The following RGS7 variants were observed in gnomAD, a reference collection of about 807,000 sequenced individuals.
RGS7 encodes regulator of G-protein signaling 7.
In RGS7, 27 loss-of-function variants were observed where a neutral mutation model predicts 81.1. That is an observed-to-expected ratio of 0.33 (90% CI 0.25 to 0.46). The LOEUF (loss-of-function observed/expected upper bound fraction) is 0.46, where lower values mean the gene tolerates loss of function less well. Ranked by LOEUF, RGS7 falls within the 20% of genes least tolerant of loss-of-function variation. The pLI is 1.00. For synonymous variants in RGS7, 208 were observed against 207.7 expected (o/e 1.00, Z -0.01); for missense variants, 396 against 607.4 (o/e 0.65, Z 3.66).
intron 9 of RGS7, among the ~76,000 whole-genome samples, chr1:240,827,888 A>AC (rs1693161068): frequency 1.3e-5 from 2 of 149,492 alleles, no homozygotes; most frequent in Admixed American, 6.6e-5. Flanking sequence ...AAAAAAAAAA[A>AC]CAGGCTGTTA....
intron 2 of RGS7, among the ~76,000 whole-genome samples, chr1:241,218,763 G>A (rs2074721670): frequency 6.6e-6 from 1 of 152,148 alleles, no homozygotes; most frequent in Non-Finnish European, 1.5e-5. Context: ...TCCTGTCTCA[G>A]TCTCCCGAGT....
At chr1:241,176,861 T>G (rs527636287) in intron 2 of RGS7, among the ~76,000 whole-genome samples, 2 of 152,208 alleles carry the variant, frequency 1.3e-5, no homozygotes, top group South Asian at 2.1e-4. Flanking sequence ...AATACTGAGG[T>G]TGGACGTGAG....
intron 18 of RGS7, among the ~76,000 whole-genome samples, chr1:240,789,492 A>G (rs1685613093): frequency 2.0e-5 from 3 of 152,218 alleles, no homozygotes; most frequent in African/African-American, 4.8e-5. Context: ...AATGGGAGAA[A>G]TATCGCTGAA....
At chr1:241,185,011 T>G (rs917806618) in intron 2 of RGS7, among the ~76,000 whole-genome samples, 3 of 152,160 alleles carry the variant, frequency 2.0e-5, no homozygotes, top group African/African-American at 7.2e-5. Context: ...TTGCAGGAGG[T>G]AATATTCTAA....
At chr1:241,293,637 TA>T (rs2079216608) in intron 2 of RGS7, among the ~76,000 whole-genome samples, 1 of 151,800 alleles carries the variant, frequency 6.6e-6, no homozygotes, top group Non-Finnish European at 1.5e-5. Context: ...AATAAGAATA[TA>T]AAAAAGAAAA....
intron 4 of RGS7, among the ~76,000 whole-genome samples, chr1:240,943,101 G>A (rs1677880338): frequency 6.6e-6 from 1 of 152,084 alleles, no homozygotes; most frequent in South Asian, 2.1e-4. Context: ...AGGTGACATA[G>A]AATAGATAAG....
intron 2 of RGS7, among the ~76,000 whole-genome samples, chr1:241,185,706 T>C (rs1457708533): frequency 6.6e-6 from 1 of 152,124 alleles, no homozygotes; most frequent in Non-Finnish European, 1.5e-5. Flanking sequence ...TCCTCAAATG[T>C]TGTGAAATTT....
intron 2 of RGS7, among the ~76,000 whole-genome samples, chr1:241,218,148 G>A (rs2074685037): frequency 6.6e-6 from 1 of 152,174 alleles, no homozygotes; most frequent in Admixed American, 6.5e-5. Flanking sequence ...GCACAGATGT[G>A]TTTCCTGCAA....
rs553359667 is a variant in RGS7 at position 240,895,201 on chromosome 1, C to T, written c.386-25082G>A. 6.6e-4 allele frequency among the ~76,000 whole-genome samples: 100 copies of T among 152,256 alleles called. 1 individual carries two copies. Among genetic ancestry groups the T allele is most frequent in the Admixed American group, 1.5e-3 (23 of 15,292 alleles). On this transcript the variant is annotated intron_variant, in intron 6 of 18. Transcript: ENST00000440928. ...GCTTCACCAGAAGCCAAGAAGATGC[C>T]AGCACGATGCTTCCTGAACAGCCTG...
intron 3 of RGS7, among the ~76,000 whole-genome samples, chr1:240,989,824 T>A (rs574208749): frequency 7.4e-4 from 113 of 152,176 alleles, no homozygotes; most frequent in African/African-American, 2.7e-3. Flanking sequence ...AAACATAAAC[T>A]TATCAAAGAA....
intron 2 of RGS7, among the ~76,000 whole-genome samples, chr1:241,221,287 C>T (rs1296853117): frequency 1.3e-5 from 2 of 152,152 alleles, no homozygotes; most frequent in Admixed American, 6.5e-5. Flanking sequence ...GAAATAAGTA[C>T]GCAAATCTAT....
chr1:241,069,715 C>T (rs968835003), intron 3 of RGS7, among the ~76,000 whole-genome samples: 12 of 152,150 alleles, frequency 7.9e-5, no homozygotes, highest in African/African-American at 2.7e-4. Flanking sequence ...AAGCACACCC[C>T]TAGTCCTTCA....
chr1:240,888,610 A>G (rs1667763273), intron 6 of RGS7, among the ~76,000 whole-genome samples: 1 of 152,212 alleles, frequency 6.6e-6, no homozygotes, highest in African/African-American at 2.4e-5. Context: ...TCCAAAATTT[A>G]TTGAATGCTT....
chr1:241,020,409 T>G (rs2059480617), intron 3 of RGS7, among the ~76,000 whole-genome samples: 3 of 152,198 alleles, frequency 2.0e-5, no homozygotes, highest in Admixed American at 6.5e-5. Flanking sequence ...CAGCTTCTAG[T>G]GGCTGCAGAC....
At chr1:241,054,484 A>G (rs1435952543) in intron 3 of RGS7, among the ~76,000 whole-genome samples, 2 of 152,186 alleles carry the variant, frequency 1.3e-5, no homozygotes, top group African/African-American at 4.8e-5. Flanking sequence ...TGGAGCTCAT[A>G]GAATGAATGA....
intron 2 of RGS7, among the ~76,000 whole-genome samples, chr1:241,113,392 C>G (rs1273255337): frequency 2.0e-5 from 3 of 152,098 alleles, no homozygotes; most frequent in African/African-American, 4.8e-5. Flanking sequence ...ATAGAGACAC[C>G]TAGGTAGTTT....
chr1:241,348,688 A>G (rs1288641098), intron 2 of RGS7, among the ~76,000 whole-genome samples: 1 of 152,232 alleles, frequency 6.6e-6, no homozygotes, highest in Non-Finnish European at 1.5e-5. Flanking sequence ...GGCTTTATAT[A>G]GTTTGCATAA....
intron 2 of RGS7, among the ~76,000 whole-genome samples, chr1:241,313,551 A>G (rs768406289): frequency 1.3e-4 from 20 of 152,252 alleles, no homozygotes; most frequent in Admixed American, 4.6e-4. Context: ...AGATCTATGA[A>G]AAGATTAACG....
intron 2 of RGS7, among the ~76,000 whole-genome samples, chr1:241,122,343 A>C (rs2066340371): frequency 6.6e-6 from 1 of 152,182 alleles, no homozygotes; most frequent in South Asian, 2.1e-4. Flanking sequence ...CATAAGTTGA[A>C]AATATTGTAA....
Sources: gnomAD v4.1 joint callset for allele counts (sites outside exome capture counted in the v4.1 genomes callset) on GRCh38, gnomAD v4.1.1 for gene constraint, MANE v1.5 for transcripts, NCBI Gene and HGNC (gene_info 2026-07-23, HGNC 2026-07-21) for gene names.